The following CHD7 variants were observed in gnomAD, a reference collection of about 807,000 sequenced individuals.
CHD7 encodes the protein chromodomain helicase DNA binding protein 7.
Under a neutral mutation model 307.3 loss-of-function variants are expected in CHD7, and 24 were observed. The ratio of observed to expected loss-of-function variants is 0.08; its 90% CI spans 0.06 to 0.11. The LOEUF (loss-of-function observed/expected upper bound fraction) is 0.11. Ranked by LOEUF, CHD7 falls within the 10% of genes least tolerant of loss-of-function variation. The pLI, the probability that CHD7 is intolerant of heterozygous loss-of-function variation, is 1.00. For missense variants in CHD7, 3,106 were observed against 3,727.1 expected, an observed-to-expected ratio of 0.83 and a Z score of 4.34; for synonymous variants, 1,363 against 1,349.9, an observed-to-expected ratio of 1.01 and a Z score of -0.21.
At chr8:60,768,299 T>A (rs1412625420) in intron 2 of CHD7, among the ~76,000 whole-genome samples, 1 of 152,196 alleles carries the variant, frequency 6.6e-6, no homozygotes. Context: ...GATCAGTTCA[T>A]CCAATTCCAT....
intron 1 of CHD7, among the ~76,000 whole-genome samples, chr8:60,688,012 C>T (rs1308709199): frequency 1.3e-5 from 2 of 152,216 alleles, no homozygotes; most frequent in African/African-American, 2.4e-5. Context: ...TGTGTCTTAC[C>T]AGCCCAGGCT....
intron 1 of CHD7, among the ~76,000 whole-genome samples, chr8:60,736,394 G>T (rs1168563967): frequency 6.6e-6 from 1 of 152,088 alleles, no homozygotes; most frequent in Non-Finnish European, 1.5e-5. Flanking sequence ...CTTTGTCTTC[G>T]GTCTGTCCAC....
intron 1 of CHD7, among the ~76,000 whole-genome samples, chr8:60,737,291 C>T (rs1425733129): frequency 2.0e-5 from 3 of 152,262 alleles, no homozygotes; most frequent in South Asian, 2.1e-4. Flanking sequence ...TTGCTGATGG[C>T]AGCAGCAGTT....
At chr8:60,835,669 T>C (rs1187879051) in intron 15 of CHD7, among the ~76,000 whole-genome samples, 1 of 152,200 alleles carries the variant, frequency 6.6e-6, no homozygotes, top group Non-Finnish European at 1.5e-5. Context: ...GGAACAGATT[T>C]TGTTGTTTGT....
intron 2 of CHD7, among the ~76,000 whole-genome samples, chr8:60,749,302 C>T (rs148152200): frequency 0.014 from 1,667 of 121,952 alleles, 23 homozygotes; most frequent in African/African-American, 0.049. Context: ...ACCCGTGAGG[C>T]GGAGGTTGTG....
intron 6 of CHD7, among the ~76,000 whole-genome samples, chr8:60,805,035 T>A: frequency 6.6e-6 from 1 of 152,200 alleles, no homozygotes; most frequent in Non-Finnish European, 1.5e-5. Context: ...GAGTGTTGTG[T>A]GTATGTATGG....
intron 1 of CHD7, among the ~76,000 whole-genome samples, chr8:60,725,492 C>T (rs1016230142): frequency 3.9e-5 from 6 of 152,160 alleles, no homozygotes; most frequent in Admixed American, 3.9e-4. Flanking sequence ...GTCATCCTCA[C>T]AGCATCCCTG....
At chr8:60,838,300 C>T (rs757576225) in intron 19 of CHD7, 45 bp downstream of exon 19, 25 of 1,546,840 alleles carry the variant, frequency 1.6e-5, no homozygotes, top group East Asian at 2.3e-5. Context: ...AGAAGCATGA[C>T]AGAGTTCATG....
At chr8:60,744,697 T>A (rs1433062495) in intron 2 of CHD7, among the ~76,000 whole-genome samples, 1 of 151,184 alleles carries the variant, frequency 6.6e-6, no homozygotes, top group Non-Finnish European at 1.5e-5. Flanking sequence ...TATTAAAAAA[T>A]ACAAAAAATT....
intron 1 of CHD7, among the ~76,000 whole-genome samples, chr8:60,702,449 C>G (rs1042149250): frequency 6.6e-6 from 1 of 152,108 alleles, no homozygotes; most frequent in Admixed American, 6.5e-5. Context: ...TTTTGGTTTT[C>G]TCTGACTGTC....
chr8:60,736,118 C>T (rs955749702), intron 1 of CHD7, among the ~76,000 whole-genome samples: 6 of 152,270 alleles, frequency 3.9e-5, no homozygotes, highest in Non-Finnish European at 7.4e-5. Context: ...ATCATTTGAC[C>T]CATGAAGCAA....
chr8:60,693,819 T>A (rs992377045), intron 1 of CHD7, among the ~76,000 whole-genome samples: 4 of 152,270 alleles, frequency 2.6e-5, no homozygotes, highest in Non-Finnish European at 5.9e-5. Flanking sequence ...GGGAAAGTGA[T>A]CCAACTAGCA....
At chr8:60,750,463 C>G (rs1240670295) in intron 2 of CHD7, among the ~76,000 whole-genome samples, 1 of 152,154 alleles carries the variant, frequency 6.6e-6, no homozygotes. Context: ...TGTGTACTTA[C>G]TATGTTCTAG....
intron 21 of CHD7, 106 bp from the exon 22 acceptor site, chr8:60,844,758 G>C (rs1805130676): frequency 2.3e-6 from 2 of 873,996 alleles, no homozygotes; most frequent in African/African-American, 3.4e-5. Flanking sequence ...AGTGTGAATT[G>C]TTGCTAGTTT....
In CHD7 at chr8:60,862,139, A is replaced by G. The variant is rs1262897510; in HGVS notation, c.7831-57A>G. On this transcript the variant is annotated intron_variant, in intron 35 of 37. Transcript: ENST00000423902. ...TCTGACAGTTCTCTTTGGCATTTATATAGAGAAGAATAAGTACTAAATACC... is the reference window on the plus strand; with the variant it reads ...TCTGACAGTTCTCTTTGGCATTTATGTAGAGAAGAATAAGTACTAAATACC... 2.9e-6 allele frequency: 4 copies of G among 1,386,118 alleles called. No homozygotes were observed. The African/African-American group carries it at 4.3e-5, about 15-fold the overall frequency. The allele number at this position is 1,386,118 out of a possible 1,614,324, so 85.9% of individuals were successfully genotyped here. A position where few individuals can be genotyped will look rare whatever the true frequency, so the allele number is the denominator to read the frequency against.
intron 2 of CHD7, among the ~76,000 whole-genome samples, chr8:60,745,542 A>C (rs1210241170): frequency 3.3e-5 from 5 of 152,032 alleles, no homozygotes; most frequent in Non-Finnish European, 7.4e-5. Context: ...TTATAGGCAA[A>C]CTCAGGACCT....
At chr8:60,822,206 T>C in intron 11 of CHD7, 61 bp downstream of exon 11, 2 of 1,427,046 alleles carry the variant, frequency 1.4e-6, no homozygotes, top group Non-Finnish European at 1.9e-6. Flanking sequence ...CCTTTAGTTA[T>C]TGAAAATAAT....
rs552946889 is a variant in CHD7 at position 60,795,078 on chromosome 8, C to T, written c.2189C>T (p.Thr730Ile). ...EGSENSDLDK[T>I]PPPSPPPEED... is the part of the protein sequence containing the mutation. ...TCTGAAAATTCAGACTTAGACAAAA[C>T]ACCCCCACCATCTCCTCCTCCTGAA... Residue 730 changes from threonine to isoleucine, a missense_variant, in exon 4 of 38, where the codon ACA becomes ATA. Around this residue, in one of 10 missense-constraint regions of CHD7, gnomAD observed 998 missense variants for 1,004.5 expected, o/e 0.99. Transcript: ENST00000423902. 57 of 1,613,812 alleles carry T rather than the reference C, an allele frequency of 3.5e-5. No homozygotes were observed. The East Asian group carries it at 5.1e-4, about 15-fold the overall frequency.
chr8:60,777,792 G>A (rs1811023488), intron 2 of CHD7, among the ~76,000 whole-genome samples: 1 of 152,164 alleles, frequency 6.6e-6, no homozygotes, highest in South Asian at 2.1e-4. Context: ...TATCAGTTAT[G>A]CTGTTTAAGT....
Sources: allele counts gnomAD v4.1 joint callset (sites outside exome capture counted in the v4.1 genomes callset), GRCh38; gene constraint gnomAD v4.1.1; regional missense constraint gnomAD v4.1.1; transcripts MANE v1.5; gene names NCBI Gene and HGNC (gene_info 2026-07-23, HGNC 2026-07-21).